Variants in PDE1A observed in about 807,000 individuals in gnomAD.
PDE1A encodes the protein phosphodiesterase 1A.
A neutral mutation model predicts 61.7 loss-of-function variants in PDE1A; 35 were observed. The observed-to-expected ratio is 0.57, with a 90% CI of 0.43 to 0.75. The LOEUF is 0.75. PDE1A is among the 30% of genes least tolerant of loss of function. The pLI is 0.00. For synonymous variants in PDE1A, 232 were observed against 213.2 expected, an observed-to-expected ratio of 1.09 and a Z score of -0.77; for missense variants, 597 against 630.6, an observed-to-expected ratio of 0.95 and a Z score of 0.57.
chr2:182,160,109 A>G (rs1283889511), intron 13 of PDE1A, among the ~76,000 whole-genome samples: 3 of 152,196 alleles, frequency 2.0e-5, no homozygotes, highest in Non-Finnish European at 2.9e-5. Flanking sequence ...GATTAAATCA[A>G]TTGTCCAAGA....
intron 1 of PDE1A, among the ~76,000 whole-genome samples, chr2:182,418,385 A>C (rs1703054362): frequency 6.6e-6 from 1 of 152,130 alleles, no homozygotes; most frequent in African/African-American, 2.4e-5. Context: ...AAACTTCTTA[A>C]ACCAGGAATC....
At chr2:182,222,169 T>C (rs926452887) in intron 7 of PDE1A, among the ~76,000 whole-genome samples, 4 of 151,968 alleles carry the variant, frequency 2.6e-5, no homozygotes, top group Admixed American at 1.3e-4. Flanking sequence ...GGTGAATAGA[T>C]AAACAAACTA....
chr2:182,264,384 T>A (rs1333153773), exon 2 of PDE1A: 11 of 1,613,522 alleles, frequency 6.8e-6, no homozygotes, highest in Non-Finnish European at 8.5e-6. Context: ...TAACATCACC[T>A]CTTTCCAGCT....
chr2:182,160,268 GGT>G (rs1366403472), intron 13 of PDE1A, among the ~76,000 whole-genome samples: 8 of 152,006 alleles, frequency 5.3e-5, no homozygotes, highest in African/African-American at 1.9e-4. Context: ...ATTAATTTTA[GGT>G]GTCAATTTGA....
intron 2 of PDE1A, among the ~76,000 whole-genome samples, chr2:182,503,575 G>A (rs1689222656): frequency 6.6e-6 from 1 of 152,032 alleles, no homozygotes; most frequent in South Asian, 2.1e-4. Context: ...CCTGCTTGGG[G>A]TGTGTGCCCT....
chr2:182,264,717 T>C (rs958488608), intron 1 of PDE1A, among the ~76,000 whole-genome samples: 24 of 151,360 alleles, frequency 1.6e-4, no homozygotes, highest in Non-Finnish European at 3.2e-4. Flanking sequence ...TTCAGAAAAG[T>C]ATATTCCTAT....
At chr2:182,427,873 GT>G (rs564707524), upstream of PDE1A, among the ~76,000 whole-genome samples, 191 of 152,236 alleles carry the variant, frequency 1.3e-3, 1 homozygote, top group Non-Finnish European at 2.4e-3. Context: ...TGATTAGAAT[GT>G]TTTTAATATA....
At chr2:182,567,541 C>T in the PDE1A span, among the ~76,000 whole-genome samples, 1 of 152,030 alleles carries the variant, frequency 6.6e-6, no homozygotes, top group Non-Finnish European at 1.5e-5. Context: ...CTTCCATTTA[C>T]AACAAACAAA....
chr2:182,286,865 C>T (rs1313324186), intron 1 of PDE1A, among the ~76,000 whole-genome samples: 1 of 152,126 alleles, frequency 6.6e-6, no homozygotes, highest in Non-Finnish European at 1.5e-5. Context: ...ACCCAGTTCC[C>T]TCAGTGGCCT....
chr2:182,148,964 G>A (rs977336172), intron 13 of PDE1A, among the ~76,000 whole-genome samples: 4 of 151,986 alleles, frequency 2.6e-5, no homozygotes, highest in Non-Finnish European at 5.9e-5. Context: ...TTTGAATTGG[G>A]AAAGGGTTTT....
the PDE1A span, among the ~76,000 whole-genome samples, chr2:182,695,286 T>C: frequency 1.5e-4 from 23 of 152,024 alleles, no homozygotes; most frequent in South Asian, 4.8e-3. Flanking sequence ...CCCCCAAAAT[T>C]GAGTCACAAT....
At chr2:182,468,672 G>A (rs146127785) in intron 2 of PDE1A, among the ~76,000 whole-genome samples, 3 of 151,982 alleles carry the variant, frequency 2.0e-5, no homozygotes, top group East Asian at 1.9e-4. Context: ...CTATCCAGAA[G>A]GTTTTCAATT....
chr2:182,597,558 A>C, the PDE1A span, among the ~76,000 whole-genome samples: 1 of 152,274 alleles, frequency 6.6e-6, no homozygotes, highest in East Asian at 1.9e-4. Context: ...GGGAGTAAAG[A>C]AAGTAAAGAA....
rs117584810 is a variant in PDE1A at position 182,391,109 on chromosome 2, C to T, written c.53+35469G>A. 1.1e-3 allele frequency among the ~76,000 whole-genome samples: 173 copies of T among 152,176 alleles called. No individual in the cohort carries two copies. In the East Asian group the frequency reaches 0.015, roughly 13 times the overall value. On this transcript the variant is annotated intron_variant, in intron 1 of 13. Transcript: ENST00000351439. ...CTAATATAAGCAGAAATCTGGAGAA[C>T]GGCTCTGAAAATGGATATTAAGGGT...
intron 2 of PDE1A, among the ~76,000 whole-genome samples, chr2:182,491,830 T>C (rs1688414208): frequency 6.6e-6 from 1 of 152,220 alleles, no homozygotes; most frequent in East Asian, 1.9e-4. Flanking sequence ...ACCAGGTAAA[T>C]GCCACTTTTC....
At chr2:182,382,336 C>T (rs762639921) in intron 1 of PDE1A, among the ~76,000 whole-genome samples, 1 of 152,116 alleles carries the variant, frequency 6.6e-6, no homozygotes, top group South Asian at 2.1e-4. Flanking sequence ...TGGAAGGGCT[C>T]AAGAACAAGG....
At chr2:182,408,540 T>G (rs977230827) in intron 1 of PDE1A, among the ~76,000 whole-genome samples, 6 of 152,178 alleles carry the variant, frequency 3.9e-5, no homozygotes, top group Non-Finnish European at 8.8e-5. Flanking sequence ...TACAGACCCT[T>G]AACTATTTCA....
At chr2:182,377,218 G>A (rs576194773) in intron 1 of PDE1A, among the ~76,000 whole-genome samples, 1 of 152,300 alleles carries the variant, frequency 6.6e-6, no homozygotes, top group Non-Finnish European at 1.5e-5. Flanking sequence ...TCATGAGGGT[G>A]GCTCCCTCCT....
At chr2:182,527,302 A>C (rs1413826490), upstream of PDE1A, among the ~76,000 whole-genome samples, 2 of 24,220 alleles carry the variant, frequency 8.3e-5, no homozygotes, top group Non-Finnish European at 1.4e-4. Context: ...CCCTTTCTCT[A>C]TAAAAAAAAA....
Sources: gnomAD v4.1 joint callset for allele counts (sites outside exome capture counted in the v4.1 genomes callset) on GRCh38, gnomAD v4.1.1 for gene constraint, MANE v1.5 for transcripts, NCBI Gene and HGNC (gene_info 2026-07-23, HGNC 2026-07-21) for gene names.